Variants in RBFOX1 observed in about 807,000 individuals in gnomAD.
RBFOX1 encodes the protein RNA binding fox-1 homolog 1.
A neutral mutation model predicts 57.7 loss-of-function variants in RBFOX1; 8 were observed. That is an observed-to-expected ratio of 0.14 (90% CI 0.08 to 0.25). RBFOX1 has a LOEUF of 0.25. RBFOX1 is among the 10% of genes least tolerant of loss of function. RBFOX1 has a pLI of 1.00. For missense variants in RBFOX1, 611 were observed against 548.5 expected (o/e 1.11, Z -1.14); for synonymous variants, 326 against 222.4 (o/e 1.47, Z -4.15).
chr16:7,567,832 C>CCCATATATATACCTATATATAT (rs1289375987), intron 5 of RBFOX1, among the ~76,000 whole-genome samples: 2 of 146,538 alleles, frequency 1.4e-5, no homozygotes, highest in Non-Finnish European at 3.0e-5. Flanking sequence ...TATATATATC[C>CCCATATATATACCTATATATAT]CCATATATAT....
intron 4 of RBFOX1, among the ~76,000 whole-genome samples, chr16:7,290,698 G>A (rs759087820): frequency 5.3e-5 from 8 of 152,198 alleles, no homozygotes; most frequent in Non-Finnish European, 8.8e-5. Flanking sequence ...ACATTAAGAG[G>A]GGAAAAATAC....
intron 4 of RBFOX1, among the ~76,000 whole-genome samples, chr16:7,386,187 G>A (rs932631360): frequency 6.6e-6 from 1 of 151,934 alleles, no homozygotes; most frequent in African/African-American, 2.4e-5. Context: ...GGGCAAAGCG[G>A]GTATCTGCAT....
intron 4 of RBFOX1, among the ~76,000 whole-genome samples, chr16:5,901,750 C>A (rs991402969): frequency 6.6e-6 from 1 of 152,186 alleles, no homozygotes; most frequent in Non-Finnish European, 1.5e-5. Context: ...TTTTTGGGGG[C>A]AGTGATGTTT....
chr16:7,307,052 A>G (rs2096206489), intron 4 of RBFOX1, among the ~76,000 whole-genome samples: 1 of 152,170 alleles, frequency 6.6e-6, no homozygotes, highest in Non-Finnish European at 1.5e-5. Flanking sequence ...ACTGAAAACA[A>G]TTTTATTTTA....
At chr16:7,574,312 A>G (rs2093093211) in intron 5 of RBFOX1, among the ~76,000 whole-genome samples, 1 of 152,218 alleles carries the variant, frequency 6.6e-6, no homozygotes, top group African/African-American at 2.4e-5. Flanking sequence ...AGGGTTCTCT[A>G]GAGGGAAAGA....
At chr16:5,695,677 A>G (rs1031644867) in intron 3 of RBFOX1, among the ~76,000 whole-genome samples, 2 of 152,180 alleles carry the variant, frequency 1.3e-5, no homozygotes, top group African/African-American at 4.8e-5. Context: ...AAGAAATTGC[A>G]CCTTTGCACC....
At chr16:5,410,041 C>G (rs1199758959) in intron 1 of RBFOX1, among the ~76,000 whole-genome samples, 3 of 120,418 alleles carry the variant, frequency 2.5e-5, no homozygotes. Context: ...GAGCAAGACT[C>G]CATCTCAAAA....
At chr16:7,488,040 G>A (rs1000442877) in intron 4 of RBFOX1, among the ~76,000 whole-genome samples, 6 of 152,138 alleles carry the variant, frequency 3.9e-5, no homozygotes, top group South Asian at 2.1e-4. Context: ...GCACCTCGGC[G>A]GAAGTAATCA....
At chr16:7,535,562 CTT>C (rs1382587765) in intron 5 of RBFOX1, among the ~76,000 whole-genome samples, 6 of 152,204 alleles carry the variant, frequency 3.9e-5, no homozygotes, top group Admixed American at 3.3e-4. Flanking sequence ...TTTCCACTGA[CTT>C]TGCTGGAGAG....
At chr16:5,826,999 T>C (rs1279395301) in intron 3 of RBFOX1, among the ~76,000 whole-genome samples, 1 of 152,162 alleles carries the variant, frequency 6.6e-6, no homozygotes, top group East Asian at 1.9e-4. Flanking sequence ...GTGCTCACCA[T>C]CTCCCAGAGA....
chr16:5,919,884 C>CT (rs1478961486), intron 4 of RBFOX1, among the ~76,000 whole-genome samples: 3 of 152,144 alleles, frequency 2.0e-5, no homozygotes, highest in East Asian at 3.9e-4. Flanking sequence ...TTCTCTCTGC[C>CT]TTTTTTTTCA....
chr16:7,707,866 C>T (rs762288020), intron 14 of RBFOX1, among the ~76,000 whole-genome samples: 3 of 152,192 alleles, frequency 2.0e-5, no homozygotes, highest in African/African-American at 7.2e-5. Flanking sequence ...CTCTTGAGGA[C>T]ACCCCATTCG....
chr16:6,975,539 T>A (rs1225160014), intron 3 of RBFOX1, among the ~76,000 whole-genome samples: 1 of 152,088 alleles, frequency 6.6e-6, no homozygotes, highest in Non-Finnish European at 1.5e-5. Flanking sequence ...AGTGCTGGGA[T>A]TACAGGCGTG....
intron 4 of RBFOX1, among the ~76,000 whole-genome samples, chr16:7,489,068 G>C (rs4787032): frequency 0.92 from 140,055 of 152,230 alleles, 65,560 homozygotes; most frequent in East Asian, 1. Context: ...ATCTCAGCGT[G>C]TCTGTCTCCC....
chr16:5,615,146 C>T (rs2047975231), intron 3 of RBFOX1, among the ~76,000 whole-genome samples: 1 of 152,178 alleles, frequency 6.6e-6, no homozygotes, highest in South Asian at 2.1e-4. Flanking sequence ...GTGATATTTC[C>T]ATCCCAGCCT....
intron 13 of RBFOX1, among the ~76,000 whole-genome samples, chr16:7,666,214 G>A (rs1470779661): frequency 6.6e-6 from 1 of 152,086 alleles, no homozygotes; most frequent in Admixed American, 6.6e-5. Context: ...ACCAGTCCTG[G>A]CTCTCGACTC....
At chr16:6,912,253 C>G (rs1364148707) in intron 3 of RBFOX1, among the ~76,000 whole-genome samples, 3 of 152,172 alleles carry the variant, frequency 2.0e-5, no homozygotes, top group African/African-American at 7.2e-5. Context: ...TCAGAAGCAC[C>G]TGCTGGCATT....
intron 11 of RBFOX1, among the ~76,000 whole-genome samples, chr16:7,634,364 A>G (rs989380556): frequency 1.4e-5 from 2 of 146,904 alleles, no homozygotes; most frequent in African/African-American, 5.1e-5. Context: ...TCCTCCATGG[A>G]TCTTTAACTG....
intron 3 of RBFOX1, among the ~76,000 whole-genome samples, chr16:5,653,951 G>A (rs1039060554): frequency 6.6e-6 from 1 of 152,188 alleles, no homozygotes; most frequent in African/African-American, 2.4e-5. Context: ...TCACTTTGTG[G>A]ATGTTCTCAG....
Sources: allele counts gnomAD v4.1 joint callset (sites outside exome capture counted in the v4.1 genomes callset), GRCh38; gene constraint gnomAD v4.1.1; transcripts MANE v1.5; gene names NCBI Gene and HGNC (gene_info 2026-07-23, HGNC 2026-07-21).